KIAA1217: variants seen among roughly 807,000 people sequenced by gnomAD.
KIAA1217 encodes sickle tail protein homolog.
In KIAA1217, 88 loss-of-function variants were observed where a neutral mutation model predicts 163.9. That is an observed-to-expected ratio of 0.54 (90% CI 0.45 to 0.64). The LOEUF (loss-of-function observed/expected upper bound fraction) is 0.64. Among genes scored for constraint, KIAA1217 ranks in the 30% least tolerant of loss-of-function variants. The pLI is 0.00. For missense variants in KIAA1217, 2,372 were observed against 2,475.0 expected, an observed-to-expected ratio of 0.96 and a Z score of 0.88; for synonymous variants, 903 against 923.1, an observed-to-expected ratio of 0.98 and a Z score of 0.39.
chr10:24,183,914 C>T (rs1231106216), intron 2 of KIAA1217, among the ~76,000 whole-genome samples: 1 of 152,134 alleles, frequency 6.6e-6, no homozygotes, highest in African/African-American at 2.4e-5. Flanking sequence ...AACTAAATAT[C>T]CCCAATTCCC....
chr10:23,817,027 T>G (rs939897441), intron 1 of KIAA1217, among the ~76,000 whole-genome samples: 17 of 152,226 alleles, frequency 1.1e-4, no homozygotes, highest in African/African-American at 4.1e-4. Context: ...GCAGAAGTAC[T>G]TGACATCAGA....
chr10:24,199,157 A>G (rs1004883414), intron 2 of KIAA1217, among the ~76,000 whole-genome samples: 1 of 152,202 alleles, frequency 6.6e-6, no homozygotes, highest in Non-Finnish European at 1.5e-5. Flanking sequence ...AGGAGTTTGG[A>G]GGAGTTTGGG....
intron 2 of KIAA1217, among the ~76,000 whole-genome samples, chr10:24,099,145 CT>C (rs957936768): frequency 1.7e-4 from 26 of 150,728 alleles, no homozygotes; most frequent in Non-Finnish European, 2.2e-4. Context: ...AGGCCCTTTT[CT>C]TTTTTTTTAT....
chr10:24,023,099 A>G (rs1589247650), intron 2 of KIAA1217, among the ~76,000 whole-genome samples: 2 of 151,836 alleles, frequency 1.3e-5, no homozygotes, highest in East Asian at 3.9e-4. Context: ...TAAGAAGCAT[A>G]AGGATTAGAA....
intron 10 of KIAA1217, 109 bp downstream of exon 10, chr10:24,513,543 C>A: frequency 9.9e-7 from 1 of 1,006,014 alleles, no homozygotes; most frequent in Non-Finnish European, 1.5e-6. Flanking sequence ...CTTTATTGAG[C>A]ACCTACTGTG....
At chr10:24,090,244 G>T (rs553625586) in intron 2 of KIAA1217, among the ~76,000 whole-genome samples, 1 of 134,092 alleles carries the variant, frequency 7.5e-6, no homozygotes, top group South Asian at 2.3e-4. Flanking sequence ...GTGGCTCACT[G>T]CAGCCTTGAA....
chr10:24,401,659 T>G (rs1211996738), intron 3 of KIAA1217, among the ~76,000 whole-genome samples: 2 of 152,124 alleles, frequency 1.3e-5, no homozygotes, highest in African/African-American at 4.8e-5. Context: ...CCCTCTAAGA[T>G]AGGGAACAGC....
At chr10:24,453,124 G>A (rs2061510324) in intron 5 of KIAA1217, among the ~76,000 whole-genome samples, 1 of 152,166 alleles carries the variant, frequency 6.6e-6, no homozygotes, top group African/African-American at 2.4e-5. Context: ...AAATAGGGCT[G>A]GATCTCAAGT....
chr10:23,848,538 C>T (rs1839151248), intron 1 of KIAA1217, among the ~76,000 whole-genome samples: 1 of 152,012 alleles, frequency 6.6e-6, no homozygotes, highest in African/African-American at 2.4e-5. Context: ...TAAAACTGAA[C>T]TCAGGAGTCT....
intron 3 of KIAA1217, among the ~76,000 whole-genome samples, chr10:24,425,275 A>G (rs1203030792): frequency 1.3e-5 from 2 of 152,216 alleles, no homozygotes; most frequent in Non-Finnish European, 2.9e-5. Context: ...CACCCTTCAC[A>G]TTTTAGGGTA....
At chr10:23,842,575 G>C (rs919626411) in intron 1 of KIAA1217, among the ~76,000 whole-genome samples, 1 of 152,042 alleles carries the variant, frequency 6.6e-6, no homozygotes, top group African/African-American at 2.4e-5. Flanking sequence ...CCAGTAAATA[G>C]GGATGATATT....
intron 1 of KIAA1217, among the ~76,000 whole-genome samples, chr10:23,836,505 T>C (rs1432995335): frequency 7.0e-6 from 1 of 143,076 alleles, no homozygotes; most frequent in Non-Finnish European, 1.5e-5. Context: ...ACTTCTAGCC[T>C]CCAGAACTGC....
chr10:24,517,484 A>G (rs896083515), intron 10 of KIAA1217, among the ~76,000 whole-genome samples: 1 of 152,164 alleles, frequency 6.6e-6, no homozygotes, highest in African/African-American at 2.4e-5. Flanking sequence ...GTCGATTTTT[A>G]AAAAGAGCTT....
At chr10:24,088,292 T>TACACACAATAA (rs2061788590) in intron 2 of KIAA1217, among the ~76,000 whole-genome samples, 1 of 100,982 alleles carries the variant, frequency 9.9e-6, no homozygotes. Flanking sequence ...TATATGTGTA[T>TACACACAATAA]ATATATATAT....
At chr10:24,046,114 TTTTAG>T (rs1405516210) in intron 2 of KIAA1217, among the ~76,000 whole-genome samples, 1 of 148,912 alleles carries the variant, frequency 6.7e-6, no homozygotes, top group East Asian at 1.9e-4. Context: ...TATTTATTTA[TTTTAG>T]TTATGTTTAA....
intron 2 of KIAA1217, among the ~76,000 whole-genome samples, chr10:24,240,077 G>A (rs1026841054): frequency 1.3e-5 from 2 of 152,148 alleles, no homozygotes; most frequent in African/African-American, 2.4e-5. Flanking sequence ...GGGAGTATGA[G>A]GGTTTTTTTT....
chr10:24,358,999 C>T (rs2049512270), intron 2 of KIAA1217, among the ~76,000 whole-genome samples: 1 of 151,890 alleles, frequency 6.6e-6, no homozygotes, highest in African/African-American at 2.4e-5. Context: ...AATGAGATCA[C>T]AGTCGTCCTA....
At chr10:24,262,724 A>G (rs542552401) in intron 2 of KIAA1217, among the ~76,000 whole-genome samples, 98 of 152,210 alleles carry the variant, frequency 6.4e-4, no homozygotes, top group African/African-American at 2.2e-3. Flanking sequence ...TCAAGATAAA[A>G]TGCCTTATAA....
chr10:24,309,118 G>A, intron 2 of KIAA1217, among the ~76,000 whole-genome samples: 1 of 9,340 alleles, frequency 1.1e-4, no homozygotes, highest in Non-Finnish European at 1.8e-4. Flanking sequence ...GCAAGACTCT[G>A]TCAAAAAAAA....
Sources: gnomAD v4.1 joint callset for allele counts (sites outside exome capture counted in the v4.1 genomes callset) on GRCh38, gnomAD v4.1.1 for gene constraint, MANE v1.5 for transcripts, NCBI Gene and HGNC (gene_info 2026-07-23, HGNC 2026-07-21) for gene names.